The following RP1 variants were observed in gnomAD, a reference collection of about 807,000 sequenced individuals.
RP1 encodes the protein RP1 axonemal microtubule associated.
A neutral mutation model predicts 14.8 loss-of-function variants in RP1; 16 were observed. The observed-to-expected ratio is 1.08, with a 90% CI of 0.73 to 1.65. The LOEUF is 1.65. Among genes scored for constraint, RP1 ranks in the 40% most tolerant of loss-of-function variants. RP1 has a pLI of 0.00. For synonymous variants in RP1, 876 were observed against 883.6 expected (o/e 0.99, Z 0.15); for missense variants, 2,631 against 2,535.0 (o/e 1.04, Z -0.81).
chr8:54,649,330 G>T (rs991652269), intron 4 of RP1, among the ~76,000 whole-genome samples: 1 of 152,114 alleles, frequency 6.6e-6, no homozygotes, highest in Non-Finnish European at 1.5e-5. Context: ...TATGGGAAGA[G>T]ACAGTAGCTA....
chr8:54,837,987 A>G (rs1811701543), intron 25 of RP1, among the ~76,000 whole-genome samples: 1 of 152,248 alleles, frequency 6.6e-6, no homozygotes, highest in South Asian at 2.1e-4. Context: ...AAGAAAAATC[A>G]AAAGCATTCT....
chr8:54,586,154 G>A (rs996988063), intron 1 of RP1, among the ~76,000 whole-genome samples: 1 of 152,110 alleles, frequency 6.6e-6, no homozygotes, highest in African/African-American at 2.4e-5. Context: ...TTTGATGATG[G>A]TGACAAACAG....
At chr8:54,685,697 T>C (rs1432338219) in intron 12 of RP1, among the ~76,000 whole-genome samples, 1 of 152,136 alleles carries the variant, frequency 6.6e-6, no homozygotes, top group Admixed American at 6.6e-5. Flanking sequence ...TCAGCTATCC[T>C]TAGTGTTAGT....
At chr8:54,572,788 C>A (rs1349464512) in intron 1 of RP1, among the ~76,000 whole-genome samples, 1 of 152,156 alleles carries the variant, frequency 6.6e-6, no homozygotes, top group South Asian at 2.1e-4. Context: ...TGATAGGGTA[C>A]CATTCTTGGC....
intron 1 of RP1, among the ~76,000 whole-genome samples, chr8:54,577,758 C>T (rs1804693109): frequency 6.6e-6 from 1 of 152,152 alleles, no homozygotes; most frequent in Admixed American, 6.5e-5. Flanking sequence ...AACTACCCCT[C>T]ACGGAGCTGG....
intron 19 of RP1, among the ~76,000 whole-genome samples, chr8:54,751,705 C>T (rs534903164): frequency 2.6e-5 from 4 of 152,152 alleles, no homozygotes; most frequent in Non-Finnish European, 5.9e-5. Flanking sequence ...TATCATGTAA[C>T]GGGGCTTAAA....
exon 22 of RP1, chr8:54,759,045 A>G: frequency 6.5e-7 from 1 of 1,535,314 alleles, no homozygotes; most frequent in Admixed American, 2.0e-5. Context: ...AGAGCCCGGC[A>G]CCACATCCGA....
intron 7 of RP1, among the ~76,000 whole-genome samples, chr8:54,664,597 G>C (rs1161965688): frequency 6.6e-6 from 1 of 152,074 alleles, no homozygotes; most frequent in African/African-American, 2.4e-5. Context: ...GCTATGAAGG[G>C]ATATCTCATT....
chr8:54,669,271 A>G (rs935264734), intron 7 of RP1, among the ~76,000 whole-genome samples: 27 of 152,244 alleles, frequency 1.8e-4, no homozygotes, highest in African/African-American at 6.5e-4. Context: ...CAGACACATG[A>G]AAAAATGCTC....
chr8:54,745,754 T>G (rs1469730055), intron 19 of RP1, among the ~76,000 whole-genome samples: 2 of 152,126 alleles, frequency 1.3e-5, no homozygotes, highest in African/African-American at 4.8e-5. Flanking sequence ...AAAAATGGTT[T>G]TGGAAATTAA....
rs1806216538 is a variant in RP1, at chr8:54,630,231, A to G, written c.6349A>G (p.Ile2117Val). The change falls in exon 4 of 4, where the codon ATT becomes GTT. Residue 2117 changes from isoleucine (I) to valine (V), a missense_variant. Physicochemically the swap from Ile to Val is conservative, Grantham distance 29 (BLOSUM62 3). Transcript: ENST00000220676. Reference protein sequence around the residue: ...DICQVETSLNISNRNILELCM... With the variant: ...DICQVETSLNVSNRNILELCM... ...TTGCCAAGTTGAGACCTCCTTAAATATTAGCAACAGAAATATTTTAGAACT... is the reference window on the plus strand; with the variant it reads ...TTGCCAAGTTGAGACCTCCTTAAATGTTAGCAACAGAAATATTTTAGAACT... 2 of 1,613,656 alleles carry G rather than the reference A, an allele frequency of 1.2e-6. No homozygotes were observed. The highest frequency in any genetic ancestry group is 1.7e-6 in the Non-Finnish European group (2 of 1,179,916).
At chr8:54,611,304 T>A (rs991422223), upstream of RP1, among the ~76,000 whole-genome samples, 2 of 152,212 alleles carry the variant, frequency 1.3e-5, no homozygotes, top group African/African-American at 4.8e-5. Context: ...CTTTCTCTTC[T>A]CCTTCTGGAA....
At chr8:54,572,198 G>A (rs36001267) in intron 1 of RP1, among the ~76,000 whole-genome samples, 15 of 152,220 alleles carry the variant, frequency 9.9e-5, no homozygotes, top group South Asian at 2.1e-4. Context: ...TAAAATAAGA[G>A]GTCATCTGCC....
intron 24 of RP1, among the ~76,000 whole-genome samples, chr8:54,800,497 A>G (rs1810680221): frequency 6.6e-6 from 1 of 152,210 alleles, no homozygotes; most frequent in Admixed American, 6.5e-5. Context: ...ATGTATGTAT[A>G]TAAGACTATA....
intron 7 of RP1, among the ~76,000 whole-genome samples, chr8:54,664,560 A>AT (rs948824950): frequency 3.3e-4 from 50 of 151,630 alleles, no homozygotes; most frequent in Non-Finnish European, 5.3e-4. Flanking sequence ...AGACTTGTTA[A>AT]TTTTTTTTTA....
chr8:54,769,813 A>G (rs1197632527), exon 23 of RP1: 2 of 1,521,354 alleles, frequency 1.3e-6, no homozygotes, highest in African/African-American at 2.8e-5. Flanking sequence ...AGGATTACTG[A>G]AACCATCAGT....
intron 7 of RP1, among the ~76,000 whole-genome samples, chr8:54,668,552 G>A (rs1206753598): frequency 2.6e-5 from 4 of 152,124 alleles, no homozygotes; most frequent in Non-Finnish European, 5.9e-5. Flanking sequence ...AACCAAAAAA[G>A]AGCCCACATT....
chr8:54,652,681 G>T (rs417969), intron 4 of RP1: 184,718 of 748,640 alleles, frequency 0.25, 24,564 homozygotes, highest in East Asian at 0.4. Context: ...TCTTCTTAAT[G>T]AATTGACCCC....
intron 24 of RP1, among the ~76,000 whole-genome samples, chr8:54,801,640 C>T (rs1265397100): frequency 6.6e-6 from 1 of 152,134 alleles, no homozygotes; most frequent in African/African-American, 2.4e-5. Flanking sequence ...TCACCTCAAC[C>T]TTCCCTGCAA....
Sources: gnomAD v4.1 joint callset for allele counts (sites outside exome capture counted in the v4.1 genomes callset) on GRCh38, gnomAD v4.1.1 for gene constraint, MANE v1.5 for transcripts, NCBI Gene and HGNC (gene_info 2026-07-23, HGNC 2026-07-21) for gene names.